UBE2W: variants seen among roughly 807,000 people sequenced by gnomAD.
UBE2W encodes the protein ubiquitin-conjugating enzyme E2 W.
A neutral mutation model predicts 27.2 loss-of-function variants in UBE2W; 18 were observed. The ratio of observed to expected loss-of-function variants is 0.66; its 90% CI spans 0.46 to 0.98. The LOEUF (loss-of-function observed/expected upper bound fraction) is 0.98. UBE2W is among the 50% of genes least tolerant of loss of function. The pLI, the probability that UBE2W is intolerant of heterozygous loss-of-function variation, is 0.00. For missense variants in UBE2W, 90 were observed against 180.2 expected (o/e 0.50, Z 2.87); for synonymous variants, 53 against 57.2 (o/e 0.93, Z 0.33).
At chr8:73,781,019 C>T (rs1807830906) in intron 4 of UBE2W, among the ~76,000 whole-genome samples, 2 of 151,800 alleles carry the variant, frequency 1.3e-5, no homozygotes, top group African/African-American at 2.4e-5. Flanking sequence ...CCTGTAATCC[C>T]AGCCCTTTGG....
chr8:73,842,763 G>A (rs1447369119), intron 1 of UBE2W, among the ~76,000 whole-genome samples: 1 of 152,054 alleles, frequency 6.6e-6, no homozygotes, highest in Non-Finnish European at 1.5e-5. Flanking sequence ...AGGACATACT[G>A]TTTGCACTAC....
chr8:73,796,596 A>G (rs1808430772), intron 5 of UBE2W: 5 of 961,038 alleles, frequency 5.2e-6, no homozygotes, highest in Admixed American at 1.2e-4. Context: ...GACTGATATG[A>G]TACTACCCAC....
chr8:73,863,578 TAA>T (rs1230294140), intron 1 of UBE2W, among the ~76,000 whole-genome samples: 3 of 104,074 alleles, frequency 2.9e-5, no homozygotes, highest in African/African-American at 9.2e-5. Context: ...TAAAGTATAA[TAA>T]AAAAAAAAAA....
At chr8:73,785,041 T>C (rs988516537), downstream of UBE2W, among the ~76,000 whole-genome samples, 1 of 152,208 alleles carries the variant, frequency 6.6e-6, no homozygotes, top group African/African-American at 2.4e-5. Flanking sequence ...CACAGTCCTT[T>C]GTACTGATCT....
In UBE2W at chr8:73,793,360, T is replaced by C. The variant is rs1236896822; in HGVS notation, c.*742A>G. On this transcript the variant is annotated 3_prime_UTR_variant, in exon 6 of 6. Transcript: ENST00000602593. ...AACCATTCATACCCTATATTACTCA[T>C]ACCTTTACTTCAGAGATTGAGGAAC... 7.1e-6 allele frequency: 7 copies of C among 985,836 alleles called. No individual in the cohort carries two copies. Among genetic ancestry groups the C allele is most frequent in the Non-Finnish European group, 8.4e-6 (7 of 829,894 alleles). The allele number at this position is 985,836 out of a possible 1,614,324, so 61.1% of individuals were successfully genotyped here.
intron 1 of UBE2W, among the ~76,000 whole-genome samples, chr8:73,852,047 GAAGA>G (rs945252586): frequency 2.7e-5 from 4 of 150,510 alleles, no homozygotes; most frequent in Admixed American, 1.3e-4. Context: ...TGGGGAGAAA[GAAGA>G]AAGGAGAGGG....
chr8:73,878,095 G>C (rs2131007909), intron 1 of UBE2W, among the ~76,000 whole-genome samples: 1 of 152,330 alleles, frequency 6.6e-6, no homozygotes, highest in East Asian at 1.9e-4. Context: ...GAGGTTTAAG[G>C]GGGCTGAGGA....
chr8:73,855,526 C>G (rs1811260459), intron 1 of UBE2W, among the ~76,000 whole-genome samples: 1 of 151,434 alleles, frequency 6.6e-6, no homozygotes, highest in Admixed American at 6.6e-5. Context: ...CTCAGCCTCC[C>G]AAGTAGCTGG....
chr8:73,822,840 A>G (rs1263247232), intron 3 of UBE2W, among the ~76,000 whole-genome samples: 1 of 152,130 alleles, frequency 6.6e-6, no homozygotes, highest in African/African-American at 2.4e-5. Flanking sequence ...ACTGACATTA[A>G]GAAAAGAATG....
At chr8:73,878,104 G>A (rs1812312208) in intron 1 of UBE2W, among the ~76,000 whole-genome samples, 1 of 152,236 alleles carries the variant, frequency 6.6e-6, no homozygotes, top group Admixed American at 6.5e-5. Context: ...GGGGGCTGAG[G>A]ACTCGGCTCT....
At chr8:73,805,454 C>CAAAAAAAAAACAAAAAACAAAAAAAA (rs1808835390) in intron 5 of UBE2W, among the ~76,000 whole-genome samples, 197 bp downstream of exon 5, 1 of 14,580 alleles carries the variant, frequency 6.9e-5, no homozygotes, top group Non-Finnish European at 1.3e-4. Context: ...AACTCCATCT[C>CAAAAAAAAAACAAAAAACAAAAAAAA]AAAAAAAAAA....
intron 2 of UBE2W, among the ~76,000 whole-genome samples, chr8:73,826,619 A>G (rs1809845426): frequency 6.6e-6 from 1 of 152,222 alleles, no homozygotes; most frequent in South Asian, 2.1e-4. Flanking sequence ...ATGCACGCTG[A>G]GTACCATACA....
rs574115628 is a variant in UBE2W at position 73,803,485 on chromosome 8, T to C, written c.442+2166A>G. On this transcript the variant is annotated intron_variant, in intron 5 of 5. Transcript: ENST00000602593. ...TCTGGTAGATTAATTCTCCATTACC[T>C]TTATGGCTCAAAATTCAAACTTTGT... 2.0e-5 allele frequency among the ~76,000 whole-genome samples: 3 copies of C among 152,334 alleles called. No homozygotes were observed. In the South Asian group the frequency reaches 6.2e-4, roughly 32 times the overall value.
rs946623844 is a variant in UBE2W at position 73,825,309 on chromosome 8, A to G, written c.108-60T>C. ...AATAGAGACTGGGGTAAGGAGGAGA[A>G]AAGAGGACACCAAGTACTTCCTATA... On this transcript the variant is annotated intron_variant, in intron 2 of 5. Coordinates refer to ENST00000602593, the MANE Select transcript of UBE2W (RefSeq NM_018299.6). The G allele has an allele frequency of 1.5e-5, 18 of 1,240,500 alleles. No individual in the cohort carries two copies. The South Asian group carries it at 2.1e-4, about 14-fold the overall frequency. 76.8% of individuals were successfully genotyped at this position (1,240,500 alleles called of 1,614,324 possible).
chr8:73,826,591 T>A lies in UBE2W; in HGVS notation c.108-1342A>T, dbSNP rs150836157. 3.3e-3 allele frequency among the ~76,000 whole-genome samples: 508 copies of A among 152,336 alleles called. 10 individuals carry two copies. The highest frequency in any genetic ancestry group is 0.03 in the Admixed American group (456 of 15,302). On this transcript the variant is annotated intron_variant, in intron 2 of 5. Transcript: ENST00000602593. ...TACAGTATACAGACTCTTAAGAGCA[T>A]GGCTATTCATTTTAAGAATGCACGC...
At position 73,793,557 on chromosome 8, in the gene UBE2W, C is replaced by T. The variant is rs982085423; in HGVS notation, c.*545G>A. ...CTTTAAAGACGCATGTTAATTCATG[C>T]TGTTAACCTTAGGATCACAGTGCAT... On this transcript the variant is annotated 3_prime_UTR_variant, in exon 6 of 6. Coordinates refer to ENST00000602593, the MANE Select transcript of UBE2W (RefSeq NM_018299.6). 120 of 985,876 alleles carry T rather than the reference C, an allele frequency of 1.2e-4. 1 individual carries two copies. Among genetic ancestry groups the T allele is most frequent in the Non-Finnish European group, 7.0e-5 (58 of 829,960 alleles). 61.1% of individuals were successfully genotyped at this position (985,876 alleles called of 1,614,324 possible).
chr8:73,851,806 G>A (rs538739247), intron 1 of UBE2W, among the ~76,000 whole-genome samples: 35 of 152,186 alleles, frequency 2.3e-4, no homozygotes, highest in African/African-American at 8.2e-4. Flanking sequence ...GAGAAGAAAT[G>A]AGGCTGACCC....
chr8:73,813,145 A>T (rs57765350), intron 3 of UBE2W, among the ~76,000 whole-genome samples: 4,896 of 150,970 alleles, frequency 0.032, 245 homozygotes, highest in African/African-American at 0.11. Context: ...GGCAAAACTG[A>T]ATCACCAACC....
intron 1 of UBE2W, among the ~76,000 whole-genome samples, chr8:73,844,803 C>T (rs1358820344): frequency 6.6e-5 from 10 of 151,466 alleles, no homozygotes; most frequent in Middle Eastern, 3.5e-3. Context: ...GCCGCGACCC[C>T]GTCTGGGAAC....
Sources: gnomAD v4.1 joint callset for allele counts (sites outside exome capture counted in the v4.1 genomes callset) on GRCh38, gnomAD v4.1.1 for gene constraint, MANE v1.5 for transcripts, NCBI Gene and HGNC (gene_info 2026-07-23, HGNC 2026-07-21) for gene names.